NXPE4: variants seen among roughly 807,000 people sequenced by gnomAD.
NXPE4 encodes the protein NXPE family member 4.
Under a neutral mutation model 33.3 loss-of-function variants are expected in NXPE4, and 42 were observed. The ratio of observed to expected loss-of-function variants is 1.26; its 90% CI spans 0.98 to 1.63. The LOEUF is 1.63. Among genes scored for constraint, NXPE4 ranks in the 40% most tolerant of loss-of-function variants. NXPE4 has a pLI of 0.00. For synonymous variants in NXPE4, 253 were observed against 234.9 expected, an observed-to-expected ratio of 1.08 and a Z score of -0.71; for missense variants, 709 against 647.6, an observed-to-expected ratio of 1.09 and a Z score of -1.03.
intron 5 of NXPE4, among the ~76,000 whole-genome samples, chr11:114,572,651 C>T (rs1470046251): frequency 6.6e-6 from 1 of 152,148 alleles, no homozygotes; most frequent in African/African-American, 2.4e-5. Flanking sequence ...AGAATTAACT[C>T]AATCCATCAA....
intron 5 of NXPE4, among the ~76,000 whole-genome samples, chr11:114,575,111 A>G (rs955764969): frequency 1.3e-5 from 2 of 152,150 alleles, no homozygotes; most frequent in Admixed American, 6.5e-5. Flanking sequence ...GTCTCAGCAG[A>G]CACAGAAAAA....
the NXPE4 span, among the ~76,000 whole-genome samples, chr11:114,656,179 A>G: frequency 6.6e-6 from 1 of 152,034 alleles, no homozygotes. Context: ...CCTATTCACA[A>G]TTACTACAAA....
chr11:114,646,810 A>T, the NXPE4 span, among the ~76,000 whole-genome samples: 1 of 152,206 alleles, frequency 6.6e-6, no homozygotes, highest in Non-Finnish European at 1.5e-5. Flanking sequence ...TAGGCTTAAG[A>T]CTATGGTTAC....
chr11:114,672,140 A>AC, the NXPE4 span, among the ~76,000 whole-genome samples: 2 of 151,932 alleles, frequency 1.3e-5, no homozygotes, highest in African/African-American at 4.8e-5. Flanking sequence ...GGGGAAGTCC[A>AC]CCCCCATGAT....
chr11:114,600,713 C>G (rs1194755399), upstream of NXPE4, among the ~76,000 whole-genome samples: 2 of 151,658 alleles, frequency 1.3e-5, no homozygotes, highest in Admixed American at 6.6e-5. Context: ...CTAGTAAAAT[C>G]CAAAAAAAGT....
chr11:114,639,918 TTA>T, the NXPE4 span, among the ~76,000 whole-genome samples: 4 of 112,826 alleles, frequency 3.5e-5, no homozygotes, highest in African/African-American at 1.5e-4. Flanking sequence ...AAATATAATA[TTA>T]TATTATATAT....
chr11:114,665,316 G>A, the NXPE4 span, among the ~76,000 whole-genome samples: 1 of 152,112 alleles, frequency 6.6e-6, no homozygotes, highest in Non-Finnish European at 1.5e-5. Flanking sequence ...TAATTAGAAT[G>A]TCGTGGTTAT....
the NXPE4 span, among the ~76,000 whole-genome samples, chr11:114,641,747 G>A: frequency 2.6e-5 from 4 of 152,042 alleles, no homozygotes; most frequent in Non-Finnish European, 4.4e-5. Context: ...AGTGGGCAAC[G>A]TTCTAGTACA....
At chr11:114,654,918 C>T in the NXPE4 span, among the ~76,000 whole-genome samples, 4 of 152,286 alleles carry the variant, frequency 2.6e-5, no homozygotes, top group African/African-American at 9.6e-5. Flanking sequence ...AATGATTGAA[C>T]TAATCTATAT....
At chr11:114,631,672 T>TA in the NXPE4 span, among the ~76,000 whole-genome samples, 2 of 150,592 alleles carry the variant, frequency 1.3e-5, no homozygotes, top group African/African-American at 4.8e-5. Context: ...TTAAAGTATA[T>TA]ATATAAAAAA....
chr11:114,608,412 G>A, the NXPE4 span, among the ~76,000 whole-genome samples: 1 of 151,844 alleles, frequency 6.6e-6, no homozygotes, highest in Non-Finnish European at 1.5e-5. Context: ...CTGTTACCTG[G>A]TAGATAATAA....
the NXPE4 span, among the ~76,000 whole-genome samples, chr11:114,632,028 C>A: frequency 2.1e-5 from 3 of 145,324 alleles, no homozygotes; most frequent in South Asian, 2.1e-4. Flanking sequence ...AATAATTATA[C>A]TTTATATATA....
the NXPE4 span, among the ~76,000 whole-genome samples, chr11:114,602,445 T>C: frequency 7.5e-6 from 1 of 134,136 alleles, no homozygotes; most frequent in African/African-American, 2.7e-5. Context: ...TAATATATAA[T>C]ATATATTATA....
At chr11:114,578,946 A>G (rs991933482) in intron 5 of NXPE4, among the ~76,000 whole-genome samples, 3 of 152,196 alleles carry the variant, frequency 2.0e-5, no homozygotes, top group Non-Finnish European at 4.4e-5. Context: ...AACACTTTAT[A>G]TCCATTACTT....
the NXPE4 span, among the ~76,000 whole-genome samples, chr11:114,612,769 T>C: frequency 6.6e-6 from 1 of 151,952 alleles, no homozygotes; most frequent in African/African-American, 2.4e-5. Flanking sequence ...GCCTCGTGGG[T>C]AACCACTGTT....
At chr11:114,602,170 A>G in the NXPE4 span, among the ~76,000 whole-genome samples, 1 of 106,842 alleles carries the variant, frequency 9.4e-6, no homozygotes, top group Non-Finnish European at 1.7e-5. Flanking sequence ...TTTATAATAT[A>G]TTATACTATA....
At chr11:114,644,921 T>A in the NXPE4 span, among the ~76,000 whole-genome samples, 1 of 151,890 alleles carries the variant, frequency 6.6e-6, no homozygotes, top group Non-Finnish European at 1.5e-5. Flanking sequence ...CTCAATCTAT[T>A]AATAAAAGCT....
chr11:114,663,696 A>ATCTATCTGTCTG, the NXPE4 span, among the ~76,000 whole-genome samples: 19 of 151,158 alleles, frequency 1.3e-4, no homozygotes, highest in Admixed American at 1.3e-3. Context: ...CTATCTATCT[A>ATCTATCTGTCTG]TCTATCTATC....
At chr11:114,627,991 C>T in the NXPE4 span, among the ~76,000 whole-genome samples, 1 of 151,674 alleles carries the variant, frequency 6.6e-6, no homozygotes, top group Non-Finnish European at 1.5e-5. Flanking sequence ...ATATATGGAC[C>T]CAACACAGGA....
Sources: gnomAD v4.1 joint callset for allele counts (sites outside exome capture counted in the v4.1 genomes callset) on GRCh38, gnomAD v4.1.1 for gene constraint, MANE v1.5 for transcripts, NCBI Gene and HGNC (gene_info 2026-07-23, HGNC 2026-07-21) for gene names.